CTDSPL: variants seen among roughly 807,000 people sequenced by gnomAD.
CTDSPL encodes the protein CTD small phosphatase like.
Under a neutral mutation model 30.5 loss-of-function variants are expected in CTDSPL, and 8 were observed. That is an observed-to-expected ratio of 0.26 (90% confidence interval 0.15 to 0.47). The LOEUF (loss-of-function observed/expected upper bound fraction) is 0.47. CTDSPL is among the 20% of genes least tolerant of loss of function. The pLI, the probability that CTDSPL is intolerant of heterozygous loss-of-function variation, is 0.99. For synonymous variants in CTDSPL, 110 were observed against 137.9 expected, an observed-to-expected ratio of 0.80 and a Z score of 1.42; for missense variants, 248 against 366.1, an observed-to-expected ratio of 0.68 and a Z score of 2.63.
chr3:37,917,312 A>G (rs1399194706), intron 1 of CTDSPL, among the ~76,000 whole-genome samples: 1 of 152,224 alleles, frequency 6.6e-6, no homozygotes, highest in Non-Finnish European at 1.5e-5. Context: ...TTTATAGTAG[A>G]ATTTAGCAGG....
intron 1 of CTDSPL, among the ~76,000 whole-genome samples, chr3:37,887,018 A>G (rs944954761): frequency 6.6e-6 from 1 of 152,148 alleles, no homozygotes; most frequent in Non-Finnish European, 1.5e-5. Flanking sequence ...TGGACACTGA[A>G]GCTTTTCTGA....
intron 1 of CTDSPL, among the ~76,000 whole-genome samples, chr3:37,918,749 A>C (rs531390981): frequency 1.3e-5 from 2 of 152,278 alleles, no homozygotes; most frequent in Admixed American, 6.5e-5. Flanking sequence ...AGGCTTAAAT[A>C]AAGGACAGTG....
intron 3 of CTDSPL, 74 bp from the exon 4 acceptor site, chr3:37,964,497 G>A: frequency 1.0e-6 from 1 of 966,062 alleles, no homozygotes; most frequent in Non-Finnish European, 1.6e-6. Flanking sequence ...TTAAATGTTT[G>A]AAAGTAGTAT....
chr3:37,970,959 G>A (rs1181683951), intron 5 of CTDSPL, among the ~76,000 whole-genome samples: 1 of 152,284 alleles, frequency 6.6e-6, no homozygotes, highest in Non-Finnish European at 1.5e-5. Flanking sequence ...GGTGGCAGCC[G>A]GAGCAATCCC....
At chr3:37,942,929 A>T (rs1201926663) in intron 1 of CTDSPL, among the ~76,000 whole-genome samples, 1 of 150,350 alleles carries the variant, frequency 6.7e-6, no homozygotes, top group Non-Finnish European at 1.5e-5. Flanking sequence ...TAATTGTGGG[A>T]TGCAAAATCA....
chr3:37,900,600 A>C (rs941052463), intron 1 of CTDSPL, among the ~76,000 whole-genome samples: 1 of 152,210 alleles, frequency 6.6e-6, no homozygotes, highest in Non-Finnish European at 1.5e-5. Flanking sequence ...TAAGTCATCC[A>C]TAATATTGTT....
chr3:37,925,915 G>A (rs1320124202), intron 1 of CTDSPL, among the ~76,000 whole-genome samples: 1 of 152,076 alleles, frequency 6.6e-6, no homozygotes, highest in Non-Finnish European at 1.5e-5. Flanking sequence ...ACTTAACACT[G>A]TGTGACGTAC....
intron 1 of CTDSPL, 64 bp from the exon 2 acceptor site, chr3:37,946,993 C>A: frequency 6.7e-7 from 1 of 1,501,646 alleles, no homozygotes. Flanking sequence ...CAGATTTTTG[C>A]ATTATATTAC....
intron 3 of CTDSPL, among the ~76,000 whole-genome samples, chr3:37,961,550 G>A (rs764458274): frequency 3.3e-5 from 5 of 152,140 alleles, no homozygotes; most frequent in Admixed American, 2.6e-4. Context: ...AAAGGGGAGA[G>A]GATTTGTTTT....
chr3:37,863,701 T>C lies in CTDSPL; in HGVS notation c.79+1423T>C, dbSNP rs776286900. 6.3e-4 allele frequency among the ~76,000 whole-genome samples: 96 copies of C among 152,274 alleles called. 1 individual carries two copies. The highest frequency in any genetic ancestry group is 1.5e-4 in the Non-Finnish European group (10 of 68,018). ...TGAGGTGTGCAGCCCCTGCTAGAAA[T>C]CTGCGTGGGAGTGAGGGGAATATTC... On this transcript the variant is annotated intron_variant, in intron 1 of 7. Transcript: ENST00000273179.
intron 1 of CTDSPL, among the ~76,000 whole-genome samples, chr3:37,888,863 C>A (rs1442558539): frequency 6.6e-6 from 1 of 152,166 alleles, no homozygotes; most frequent in African/African-American, 2.4e-5. Flanking sequence ...GGCACTGCCA[C>A]CAGCCAGGGC....
At chr3:37,876,984 T>G (rs1698141968) in intron 1 of CTDSPL, among the ~76,000 whole-genome samples, 1 of 151,552 alleles carries the variant, frequency 6.6e-6, no homozygotes, top group African/African-American at 2.4e-5. Flanking sequence ...TGCACGCCTG[T>G]AATCCCAGCT....
At chr3:37,902,604 G>A (rs571031871) in intron 1 of CTDSPL, among the ~76,000 whole-genome samples, 5 of 152,198 alleles carry the variant, frequency 3.3e-5, no homozygotes, top group South Asian at 2.1e-4. Context: ...CTCTTTGCCC[G>A]CTTCTTCCTC....
rs190429254 is a variant in CTDSPL at position 37,909,392 on chromosome 3, G to C, written c.80-37665G>C. On this transcript the variant is annotated intron_variant, in intron 1 of 7. Coordinates refer to ENST00000273179, the MANE Select transcript of CTDSPL (RefSeq NM_001008392.2). Reference sequence around the variant, plus strand: ...TGCTCTTCCCAGATCCTAGGGCTGAGCAGGTCTTTCAGGGTGGCCAAGTGG... The same window carrying C: ...TGCTCTTCCCAGATCCTAGGGCTGACCAGGTCTTTCAGGGTGGCCAAGTGG... 2.0e-4 allele frequency among the ~76,000 whole-genome samples: 30 copies of C among 152,374 alleles called. No individual in the cohort carries two copies. The Middle Eastern group carries it at 0.014, about 69-fold the overall frequency.
intron 1 of CTDSPL, among the ~76,000 whole-genome samples, chr3:37,926,533 C>T (rs1361159981): frequency 6.6e-6 from 1 of 152,264 alleles, no homozygotes; most frequent in East Asian, 1.9e-4. Flanking sequence ...CAGTTGTGAA[C>T]CAGTTTTTGG....
chr3:37,897,392 AT>A (rs1215214676), intron 1 of CTDSPL, among the ~76,000 whole-genome samples: 1 of 152,170 alleles, frequency 6.6e-6, no homozygotes, highest in Non-Finnish European at 1.5e-5. Context: ...TTACTTATTG[AT>A]TTTTTTCCCA....
At chr3:37,880,924 G>A (rs138821313) in intron 1 of CTDSPL, among the ~76,000 whole-genome samples, 1,599 of 151,830 alleles carry the variant, frequency 0.011, 35 homozygotes, top group South Asian at 0.077. Flanking sequence ...TAGCCTAAGA[G>A]TCAGATTTGG....
At chr3:37,914,873 C>T (rs1163944789) in intron 1 of CTDSPL, among the ~76,000 whole-genome samples, 175 of 51,292 alleles carry the variant, frequency 3.4e-3, no homozygotes, top group African/African-American at 5.5e-3. Context: ...TATATATGTT[C>T]TTTTTTTTTT....
intron 3 of CTDSPL, among the ~76,000 whole-genome samples, chr3:37,962,484 T>C (rs924361859): frequency 6.6e-6 from 1 of 152,218 alleles, no homozygotes. Flanking sequence ...GGGTTTTACT[T>C]ACTGTTAACT....
Sources: gnomAD v4.1 joint callset for allele counts (sites outside exome capture counted in the v4.1 genomes callset) on GRCh38, gnomAD v4.1.1 for gene constraint, MANE v1.5 for transcripts, NCBI Gene and HGNC (gene_info 2026-07-23, HGNC 2026-07-21) for gene names.